The following ZSWIM2 variants were observed in gnomAD, a reference collection of about 807,000 sequenced individuals.
The protein encoded by ZSWIM2 is zinc finger SWIM-type containing 2.
Under a neutral mutation model 48.4 loss-of-function variants are expected in ZSWIM2, and 38 were observed. The ratio of observed to expected loss-of-function variants is 0.79; its 90% CI spans 0.61 to 1.03. The LOEUF (loss-of-function observed/expected upper bound fraction) is 1.03. ZSWIM2 is among the 50% of genes least tolerant of loss of function. The pLI is 0.00. For missense variants in ZSWIM2, 776 were observed against 730.2 expected (o/e 1.06, Z -0.72); for synonymous variants, 240 against 251.3 (o/e 0.96, Z 0.42).
rs1691646999 is a variant in ZSWIM2, at chr2:186,828,847, C to G, written c.1096-57G>C. ...TACCAATCTTGTTTATAATATTATTCAAGTAAATTTCCCCCAGTTTCATAA... is the reference window on the plus strand; with the variant it reads ...TACCAATCTTGTTTATAATATTATTGAAGTAAATTTCCCCCAGTTTCATAA... On this transcript the variant is annotated intron_variant, in intron 8 of 8. Coordinates refer to ENST00000295131, the MANE Select transcript of ZSWIM2 (RefSeq NM_182521.3). 3 of 1,055,006 alleles carry G rather than the reference C, an allele frequency of 2.8e-6. No individual in the cohort carries two copies. In the African/African-American group the frequency reaches 4.9e-5, roughly 17 times the overall value. 65.4% of individuals were successfully genotyped at this position (1,055,006 alleles called of 1,614,324 possible).
chr2:186,844,872 G>T, intron 2 of ZSWIM2, 115 bp from the exon 3 acceptor site: 3 of 898,102 alleles, frequency 3.3e-6, no homozygotes, highest in Non-Finnish European at 3.2e-6. Flanking sequence ...TATGGAAAGT[G>T]TTATGAATAA....
intron 6 of ZSWIM2, among the ~76,000 whole-genome samples, chr2:186,833,622 C>T (rs573075056): frequency 1.3e-5 from 2 of 152,098 alleles, no homozygotes; most frequent in Non-Finnish European, 2.9e-5. Context: ...TTTGGTTTTA[C>T]GTTATAAGCC....
At chr2:186,830,145 T>G (rs1023735888) in intron 7 of ZSWIM2, among the ~76,000 whole-genome samples, 1 of 152,146 alleles carries the variant, frequency 6.6e-6, no homozygotes, top group East Asian at 1.9e-4. Flanking sequence ...TCTGGGAGAC[T>G]GAGGTGGGTG....
chr2:186,831,401 T>TTATA, intron 7 of ZSWIM2, among the ~76,000 whole-genome samples: 1 of 146,966 alleles, frequency 6.8e-6, no homozygotes, highest in South Asian at 2.1e-4. Context: ...TAAATATATA[T>TTATA]TATATATATA....
At chr2:186,843,495 T>C (rs991418521) in intron 3 of ZSWIM2, among the ~76,000 whole-genome samples, 1 of 151,344 alleles carries the variant, frequency 6.6e-6, no homozygotes, top group African/African-American at 2.4e-5. Flanking sequence ...TATGGAGAAA[T>C]AGAAACACTT....
At chr2:186,836,915 G>A (rs1284627087) in intron 5 of ZSWIM2, among the ~76,000 whole-genome samples, 5 of 151,974 alleles carry the variant, frequency 3.3e-5, no homozygotes, top group Admixed American at 6.6e-5. Context: ...CCCAATCTTC[G>A]GAATTTTTGG....
At chr2:186,834,799 C>T (rs1259486840) in intron 5 of ZSWIM2, among the ~76,000 whole-genome samples, 1 of 152,188 alleles carries the variant, frequency 6.6e-6, no homozygotes, top group Non-Finnish European at 1.5e-5. Flanking sequence ...TTGCCTCCCT[C>T]TTCTACTTTT....
At chr2:186,829,595 A>G in intron 8 of ZSWIM2, 132 bp downstream of exon 8, 1 of 790,232 alleles carries the variant, frequency 1.3e-6, no homozygotes, top group Non-Finnish European at 1.9e-6. Context: ...AGTTCTTTCT[A>G]TATGTGCTGT....
Position 186,829,871 on chromosome 2 carries a change from G to A in ZSWIM2, c.951C>T (p.Tyr317=). The stretch of plus-strand genomic sequence containing the variant: ...GTGATCTTACAATGTGTTTTGGTGT[G>A]TAAACTTGGCTGAATGAGAATAAGC... ...SHFQEKQGQV[Y]TPKHIVRSLP... The change falls in exon 8 of 9, where the codon TAC becomes TAT. Residue 317 remains tyrosine (Y), a synonymous_variant. Transcript: ENST00000295131. 1 of 1,613,340 alleles carries A rather than the reference G, an allele frequency of 6.2e-7. No homozygotes were observed. Among genetic ancestry groups the A allele is most frequent in the South Asian group, 1.1e-5 (1 of 91,016 alleles).
rs370203209 is a variant in ZSWIM2, at chr2:186,828,656, G to T, written c.1230C>A (p.Asn410Lys). The T allele has an allele frequency of 1.2e-6, 2 of 1,613,050 alleles. No individual in the cohort carries two copies. Among genetic ancestry groups the T allele is most frequent in the African/African-American group, 2.7e-5 (2 of 74,850 alleles). The change falls in exon 9 of 9, where the codon AAC becomes AAA. Residue 410 changes from asparagine to lysine, a missense_variant. Asn to Lys is a moderately conservative substitution (Grantham distance 94). Transcript: ENST00000295131. ...VNGQAHQSVS[N>K]RDIIHLSKQK... is the part of the protein sequence containing the mutation. ...GCTTTGATAGATGAATGATGTCTCTGTTTGAAACAGACTGATGTGCTTGTC... is the reference window on the plus strand; with the variant it reads ...GCTTTGATAGATGAATGATGTCTCTTTTTGAAACAGACTGATGTGCTTGTC...
At chr2:186,829,506 T>C (rs1296657675) in intron 8 of ZSWIM2, among the ~76,000 whole-genome samples, 1 of 152,124 alleles carries the variant, frequency 6.6e-6, no homozygotes, top group Non-Finnish European at 1.5e-5. Flanking sequence ...CTTTCCTAGA[T>C]AGTATATACA....
intron 1 of ZSWIM2, 59 bp downstream of exon 1, chr2:186,848,907 T>A: frequency 5.6e-6 from 9 of 1,604,256 alleles, no homozygotes; most frequent in Non-Finnish European, 7.7e-6. Flanking sequence ...GGTATGCCAG[T>A]GGGGGAACCT....
Position 186,829,188 on chromosome 2 carries a change from C to T in ZSWIM2, c.1096-398G>A, listed in dbSNP as rs561529431. 1.1e-4 allele frequency among the ~76,000 whole-genome samples: 17 copies of T among 152,012 alleles called. No individual in the cohort carries two copies. In the East Asian group the frequency reaches 2.9e-3, roughly 26 times the overall value. On this transcript the variant is annotated intron_variant, in intron 8 of 8. Transcript: ENST00000295131. ...AGTTTTTGAAAATAAAACAATTAGC[C>T]ATTTTAACTAAGGATGACTCTAAAG...
chr2:186,845,024 C>A (rs568197309), intron 2 of ZSWIM2, among the ~76,000 whole-genome samples: 1 of 151,492 alleles, frequency 6.6e-6, no homozygotes, highest in East Asian at 1.9e-4. Flanking sequence ...GTATTTCTTA[C>A]GACATACAGT....
chr2:186,829,413 A>G (rs1691659289), intron 8 of ZSWIM2, among the ~76,000 whole-genome samples: 1 of 152,214 alleles, frequency 6.6e-6, no homozygotes, highest in Non-Finnish European at 1.5e-5. Context: ...AATACATAGC[A>G]AAATATTAGT....
intron 7 of ZSWIM2, 38 bp downstream of exon 7, chr2:186,833,082 T>A (rs1173423660): frequency 1.1e-6 from 1 of 895,396 alleles, no homozygotes; most frequent in Non-Finnish European, 1.7e-6. Context: ...TCAAAGATTC[T>A]GTCATACAAC....
intron 7 of ZSWIM2, among the ~76,000 whole-genome samples, chr2:186,830,242 CA>C (rs1691674018): frequency 6.6e-6 from 1 of 151,944 alleles, no homozygotes; most frequent in Admixed American, 6.6e-5. Flanking sequence ...ATTAGCCGGG[CA>C]TGGTGGCAGG....
intron 6 of ZSWIM2, 59 bp from the exon 7 acceptor site, chr2:186,833,291 A>G: frequency 1.2e-6 from 1 of 806,844 alleles, no homozygotes; most frequent in South Asian, 1.9e-5. Context: ...CATTTTGTGG[A>G]GAAAAATTAG....
At chr2:186,844,893 C>A (rs745805709) in intron 2 of ZSWIM2, 136 bp from the exon 3 acceptor site, 121 of 730,192 alleles carry the variant, frequency 1.7e-4, no homozygotes, top group Non-Finnish European at 2.2e-4. Flanking sequence ...ACTTAAAAAT[C>A]ATCAATTTTC....
Sources: gnomAD v4.1 joint callset for allele counts (sites outside exome capture counted in the v4.1 genomes callset) on GRCh38, gnomAD v4.1.1 for gene constraint, MANE v1.5 for transcripts, NCBI Gene and HGNC (gene_info 2026-07-23, HGNC 2026-07-21) for gene names.